Variants in PSD3 observed in about 807,000 individuals in gnomAD.
The protein encoded by PSD3 is PH and SEC7 domain-containing protein 3.
PSD3 carries 49 observed loss-of-function variants against 105.5 expected under a neutral mutation model. The observed-to-expected ratio is 0.46, with a 90% CI of 0.37 to 0.59. The LOEUF is 0.59. Ranked by LOEUF, PSD3 falls within the 20% of genes least tolerant of loss-of-function variation. The pLI, the probability that PSD3 is intolerant of heterozygous loss-of-function variation, is 0.00. For missense variants in PSD3, 1,561 were observed against 1,263.8 expected (o/e 1.24, Z -3.57); for synonymous variants, 557 against 457.8 (o/e 1.22, Z -2.77).
At chr8:18,905,130 C>G (rs1819756779) in intron 2 of PSD3, among the ~76,000 whole-genome samples, 1 of 152,172 alleles carries the variant, frequency 6.6e-6, no homozygotes, top group South Asian at 2.1e-4. Flanking sequence ...GATGAAGAAT[C>G]CAAGCTGTTA....
intron 1 of PSD3, among the ~76,000 whole-genome samples, chr8:19,051,189 C>A (rs948459277): frequency 5.3e-5 from 8 of 152,260 alleles, no homozygotes; most frequent in Non-Finnish European, 8.8e-5. Context: ...GTCCAAGAGA[C>A]CCTCCTCCCT....
chr8:18,697,236 G>A (rs1207189508), intron 9 of PSD3, among the ~76,000 whole-genome samples: 1 of 152,298 alleles, frequency 6.6e-6, no homozygotes, highest in South Asian at 2.1e-4. Context: ...CTGCTCGACA[G>A]CGACATGGGG....
intron 9 of PSD3, among the ~76,000 whole-genome samples, chr8:18,722,459 T>C (rs961541504): frequency 3.3e-5 from 5 of 152,194 alleles, no homozygotes; most frequent in African/African-American, 9.6e-5. Flanking sequence ...CTTATCTAGA[T>C]GGCCTTGTAA....
At chr8:18,966,336 G>C (rs192735514) in intron 1 of PSD3, among the ~76,000 whole-genome samples, 1 of 152,054 alleles carries the variant, frequency 6.6e-6, no homozygotes, top group African/African-American at 2.4e-5. Flanking sequence ...TTGGGAGGCC[G>C]AGGCAGGTGA....
chr8:18,966,336 G>T (rs192735514), intron 1 of PSD3, among the ~76,000 whole-genome samples: 1 of 152,054 alleles, frequency 6.6e-6, no homozygotes, highest in African/African-American at 2.4e-5. Flanking sequence ...TTGGGAGGCC[G>T]AGGCAGGTGA....
intron 1 of PSD3, among the ~76,000 whole-genome samples, chr8:19,039,672 C>A (rs1828058859): frequency 6.6e-6 from 1 of 152,174 alleles, no homozygotes; most frequent in Admixed American, 6.5e-5. Flanking sequence ...CTTTCAATAA[C>A]CCAGGGATGA....
intron 1 of PSD3, among the ~76,000 whole-genome samples, chr8:18,948,862 A>T (rs1283687613): frequency 8.8e-5 from 11 of 124,868 alleles, no homozygotes; most frequent in Admixed American, 8.3e-4. Context: ...GGTGGGAATC[A>T]TGAGAAGTAA....
Position 18,868,061 on chromosome 8 carries a change from T to A in PSD3, c.1247A>T (p.Glu416Val). Residue 416 changes from glutamate (E) to valine (V), a missense_variant, in exon 4 of 16, where the codon GAA becomes GTA. Coordinates refer to ENST00000327040, the MANE Select transcript of PSD3 (RefSeq NM_015310.4). ...TTCCCCCTTAACGTGCTCCTCTTGT[T>A]CGCTGATCCTGGAAAGTAAATAAGA... ...KPERDRERIS[E>V]QEEHVKGEDE... 6.2e-7 allele frequency: 1 copy of A among 1,600,010 alleles called. No homozygotes were observed. Among genetic ancestry groups the A allele is most frequent in the Non-Finnish European group, 8.5e-7 (1 of 1,173,734 alleles).
chr8:18,635,165 C>T (rs1158270850), intron 10 of PSD3, among the ~76,000 whole-genome samples: 1 of 152,124 alleles, frequency 6.6e-6, no homozygotes, highest in Non-Finnish European at 1.5e-5. Context: ...GTCCTGTGAA[C>T]ATGCCTCATC....
chr8:18,705,845 T>C (rs1033698719), intron 9 of PSD3, among the ~76,000 whole-genome samples: 2 of 152,196 alleles, frequency 1.3e-5, no homozygotes, highest in East Asian at 3.9e-4. Flanking sequence ...TGTATTGCTA[T>C]ATACAAACGT....
chr8:18,833,141 C>G (rs897832164), intron 4 of PSD3, among the ~76,000 whole-genome samples: 1 of 152,192 alleles, frequency 6.6e-6, no homozygotes, highest in African/African-American at 2.4e-5. Context: ...CTAAGGACAT[C>G]AGCCTTCCTG....
intron 12 of PSD3, among the ~76,000 whole-genome samples, chr8:18,581,259 A>G (rs1252306894): frequency 6.6e-6 from 1 of 152,194 alleles, no homozygotes; most frequent in African/African-American, 2.4e-5. Context: ...TTTAAAGCAC[A>G]TATGAACTAT....
intron 9 of PSD3, among the ~76,000 whole-genome samples, chr8:18,751,676 A>G (rs1204444240): frequency 1.3e-5 from 2 of 150,266 alleles, no homozygotes; most frequent in African/African-American, 5.0e-5. Flanking sequence ...GCACACTGCT[A>G]GCCACTTAAC....
chr8:18,838,727 G>A (rs1002895236), intron 4 of PSD3, among the ~76,000 whole-genome samples: 28 of 151,214 alleles, frequency 1.9e-4, no homozygotes, highest in East Asian at 3.9e-4. Flanking sequence ...GCGTGAACCC[G>A]GGAGGCAGAG....
intron 4 of PSD3, among the ~76,000 whole-genome samples, chr8:18,819,173 A>G (rs749537234): frequency 2.6e-5 from 4 of 152,242 alleles, no homozygotes; most frequent in Non-Finnish European, 5.9e-5. Context: ...CATTGTATAC[A>G]GCAGAGATGA....
intron 11 of PSD3, among the ~76,000 whole-genome samples, chr8:18,623,415 C>T (rs1806258441): frequency 8.1e-6 from 1 of 122,912 alleles, no homozygotes; most frequent in South Asian, 2.5e-4. Context: ...AGTTCAAGAC[C>T]AGTCTGGGCA....
intron 1 of PSD3, among the ~76,000 whole-genome samples, chr8:19,067,853 A>T (rs1829128175): frequency 1.3e-5 from 2 of 152,078 alleles, no homozygotes; most frequent in African/African-American, 4.8e-5. Context: ...ACCTTGGAGG[A>T]ATGTTCCTGG....
intron 12 of PSD3, among the ~76,000 whole-genome samples, chr8:18,598,498 T>C (rs1401024681): frequency 1.3e-5 from 2 of 151,694 alleles, no homozygotes; most frequent in East Asian, 3.9e-4. Flanking sequence ...GTTCAACATA[T>C]GAAAATCAGT....
rs541181990 is a variant in PSD3 at position 18,536,075 on chromosome 8, A to G, written c.2929-117T>C. The G allele has an allele frequency of 1.2e-3, 1,209 of 980,356 alleles. 11 individuals carry two copies. Among genetic ancestry groups the G allele is most frequent in the Middle Eastern group, 0.011 (37 of 3,498 alleles). 60.7% of individuals were successfully genotyped at this position (980,356 alleles called of 1,614,324 possible). On this transcript the variant is annotated intron_variant, in intron 15 of 15. Coordinates refer to ENST00000327040, the MANE Select transcript of PSD3 (RefSeq NM_015310.4). ...GAATGGCTGTTGAAGACTTCGCTTC[A>G]TTTCCCAAACTGACAAATTACTTGG...
Sources: gnomAD v4.1 joint callset for allele counts (sites outside exome capture counted in the v4.1 genomes callset) on GRCh38, gnomAD v4.1.1 for gene constraint, MANE v1.5 for transcripts, NCBI Gene and HGNC (gene_info 2026-07-23, HGNC 2026-07-21) for gene names.